CHD2: variants seen among roughly 807,000 people sequenced by gnomAD.
CHD2 encodes the protein chromodomain helicase DNA binding protein 2.
In CHD2, 28 loss-of-function variants were observed where a neutral mutation model predicts 243.9. That is an observed-to-expected ratio of 0.11 (90% CI 0.09 to 0.16). The LOEUF is 0.16. Among genes scored for constraint, CHD2 ranks in the 10% least tolerant of loss-of-function variants. The pLI is 1.00. For synonymous variants in CHD2, 775 were observed against 779.0 expected (o/e 0.99, Z 0.09); for missense variants, 1,386 against 2,209.8 (o/e 0.63, Z 7.47).
intron 19 of CHD2, among the ~76,000 whole-genome samples, chr15:92,973,440 TTGAA>T (rs1233206410): frequency 3.3e-5 from 5 of 152,174 alleles, no homozygotes; most frequent in African/African-American, 4.8e-5. Flanking sequence ...TTTTAAAACT[TTGAA>T]TGGATGAACT....
rs1234636039 is a variant in CHD2, at chr15:93,009,004, C to T, written c.4414-141C>T. 5.6e-6 allele frequency: 5 copies of T among 887,352 alleles called. No individual in the cohort carries two copies. The African/African-American group carries it at 8.5e-5, about 15-fold the overall frequency. The allele number at this position is 887,352 out of a possible 1,614,324, so 55.0% of individuals were successfully genotyped here. A position where few individuals can be genotyped will look rare whatever the true frequency, so the allele number is the denominator to read the frequency against. ...GACTTGAATACTTACACTTACTCCA[C>T]TGCACTAGCTTTACCCACTCTTCCT... On this transcript the variant is annotated intron_variant, in intron 34 of 38. Transcript: ENST00000394196.
rs531358190 is a variant in CHD2, at chr15:92,918,957, C to A, written c.63-5364C>A. ...CACTGAAACGTCCACCTCCTGAGTT[C>A]AAGCGATTCTCCTGCCTCAGCCTCC... On this transcript the variant is annotated intron_variant, in intron 2 of 38. Transcript: ENST00000394196. 4.6e-5 allele frequency among the ~76,000 whole-genome samples: 7 copies of A among 151,152 alleles called. No homozygotes were observed. The East Asian group carries it at 1.4e-3, about 30-fold the overall frequency.
chr15:92,945,963 A>T, intron 11 of CHD2, 75 bp from the exon 12 acceptor site: 2 of 1,479,846 alleles, frequency 1.4e-6, no homozygotes, highest in South Asian at 2.5e-5. Context: ...TTTATTGATT[A>T]TGCATAAAAC....
chr15:92,918,977 G>A (rs2052899601), intron 2 of CHD2, among the ~76,000 whole-genome samples: 1 of 151,954 alleles, frequency 6.6e-6, no homozygotes, highest in Non-Finnish European at 1.5e-5. Context: ...TCCTGCCTCA[G>A]CCTCCAAAGT....
intron 8 of CHD2, among the ~76,000 whole-genome samples, chr15:92,942,469 T>G (rs1242712253): frequency 6.6e-6 from 1 of 151,788 alleles, no homozygotes; most frequent in Non-Finnish European, 1.5e-5. Flanking sequence ...AACCGGGGAC[T>G]TCGAGTAGGG....
At chr15:93,006,239 G>T (rs915608365) in intron 34 of CHD2, among the ~76,000 whole-genome samples, 8 of 148,856 alleles carry the variant, frequency 5.4e-5, no homozygotes, top group African/African-American at 1.7e-4. Context: ...CAGTTCTCCT[G>T]CCTCAGCCTC....
At chr15:92,903,526 C>CTAAA (rs1292914778) in intron 2 of CHD2, among the ~76,000 whole-genome samples, 1 of 152,076 alleles carries the variant, frequency 6.6e-6, no homozygotes, top group African/African-American at 2.4e-5. Context: ...GAAGTTAATG[C>CTAAA]TAAAGTCTGT....
At chr15:92,975,959 T>C (rs997046338) in intron 20 of CHD2, among the ~76,000 whole-genome samples, 2 of 152,212 alleles carry the variant, frequency 1.3e-5, no homozygotes, top group African/African-American at 2.4e-5. Flanking sequence ...TTGCTCCTTG[T>C]TTCCTCAGCT....
intron 37 of CHD2, among the ~76,000 whole-genome samples, chr15:93,016,154 A>G (rs1402497484): frequency 6.6e-6 from 1 of 152,252 alleles, no homozygotes; most frequent in Non-Finnish European, 1.5e-5. Flanking sequence ...GTATATACAC[A>G]ATCGAATAGT....
chr15:92,972,002 A>G (rs16974312), intron 18 of CHD2, 75 bp downstream of exon 18: 235 of 1,456,362 alleles, frequency 1.6e-4, no homozygotes, highest in Admixed American at 4.0e-4. Context: ...AGAATGCTCT[A>G]TTTCCTTGTT....
intron 2 of CHD2, chr15:92,904,686 A>T: frequency 6.6e-6 from 9 of 1,355,000 alleles, no homozygotes; most frequent in Middle Eastern, 4.6e-4. Flanking sequence ...GGCACTATTT[A>T]TAAATTTTAA....
intron 19 of CHD2, among the ~76,000 whole-genome samples, chr15:92,972,674 A>G (rs2053857171): frequency 1.9e-5 from 1 of 52,294 alleles, no homozygotes; most frequent in African/African-American, 4.1e-5. Context: ...AAACGGTGAA[A>G]CCCCGTCTCT....
Position 93,024,014 on chromosome 15 carries a change from T to C in CHD2, c.5154-358T>C, listed in dbSNP as rs181440093. ...CTCACTTGTTGCATATTTAGGTTGA[T>C]GGTGTTATTAATAACTTACAAAATA... On this transcript the variant is annotated intron_variant, in intron 38 of 38. Transcript: ENST00000394196. Among the ~76,000 whole-genome samples the C allele has an allele frequency of 2.0e-4, 31 of 152,298 alleles. 1 individual carries two copies. The East Asian group carries it at 5.0e-3, about 25-fold the overall frequency.
At chr15:92,940,877 T>A (rs897115571) in intron 7 of CHD2, among the ~76,000 whole-genome samples, 1 of 94,450 alleles carries the variant, frequency 1.1e-5, no homozygotes, top group Non-Finnish European at 2.2e-5. Context: ...AAAATATACA[T>A]ATAAATATAT....
At chr15:92,940,991 A>G in intron 7 of CHD2, among the ~76,000 whole-genome samples, 1 of 116,584 alleles carries the variant, frequency 8.6e-6, no homozygotes, top group Admixed American at 1.1e-4. Context: ...AAATATATAT[A>G]TAAATATATA....
intron 2 of CHD2, chr15:92,902,030 A>C (rs970267764): frequency 2.6e-6 from 1 of 392,156 alleles, no homozygotes; most frequent in South Asian, 1.4e-4. Context: ...TACTGTGATT[A>C]ATATTTGCAG....
intron 10 of CHD2, 94 bp downstream of exon 10, chr15:92,944,609 G>T (rs969826350): frequency 5.4e-6 from 3 of 558,370 alleles, no homozygotes; most frequent in Non-Finnish European, 9.4e-6. Context: ...AATGCACTTT[G>T]GAGACTAGAC....
rs1170831477 is a variant in CHD2, at chr15:92,944,355, A to G, written c.1053-60A>G. 46 of 913,128 alleles carry G rather than the reference A, an allele frequency of 5.0e-5. 1 individual carries two copies. In the Admixed American group the frequency reaches 8.5e-4, roughly 17 times the overall value. The allele number at this position is 913,128 out of a possible 1,614,324, so 56.6% of individuals were successfully genotyped here. A position where few individuals can be genotyped will look rare whatever the true frequency, so the allele number is the denominator to read the frequency against. On this transcript the variant is annotated intron_variant, in intron 9 of 38. Transcript: ENST00000394196. ...TTTTCCACCTTTGACTTTTGCTTTG[A>G]TGTATGTGGATCCCCAGACTTTAGT... is the stretch of plus-strand genomic sequence containing the variant.
In CHD2 at chr15:92,998,901, G is replaced by A. The variant is rs998283985; in HGVS notation, c.4008+280G>A. Among the ~76,000 whole-genome samples, 3 of 151,842 alleles carry A rather than the reference G, an allele frequency of 2.0e-5. No individual in the cohort carries two copies. Among genetic ancestry groups the A allele is most frequent in the African/African-American group, 7.3e-5 (3 of 41,340 alleles). Reference sequence around the variant, plus strand: ...GATTGAGACCATCCTGGCTAATATGGTGAAACCCCGTCTCTACTAAAAATA... The same window carrying A: ...GATTGAGACCATCCTGGCTAATATGATGAAACCCCGTCTCTACTAAAAATA... On this transcript the variant is annotated intron_variant, in intron 31 of 38. Coordinates refer to ENST00000394196, the MANE Select transcript of CHD2 (RefSeq NM_001271.4). The surrounding 1 kb of genome is among the most constrained non-coding windows in gnomAD (Gnocchi z 5.1).
Sources: allele counts gnomAD v4.1 joint callset (sites outside exome capture counted in the v4.1 genomes callset), GRCh38; gene constraint gnomAD v4.1.1; non-coding constraint Gnocchi (gnomAD v3.1); transcripts MANE v1.5; gene names NCBI Gene and HGNC (gene_info 2026-07-23, HGNC 2026-07-21).